FANCA: variants seen among roughly 807,000 people sequenced by gnomAD.
FANCA encodes the protein Fanconi anemia group A protein.
FANCA carries 236 observed loss-of-function variants against 194.3 expected under a neutral mutation model. The observed-to-expected ratio is 1.21, with a 90% CI of 1.09 to 1.35. FANCA has a LOEUF of 1.35. Among genes scored for constraint, FANCA ranks in the 40% most tolerant of loss-of-function variants. The pLI is 0.00. For synonymous variants in FANCA, 1,014 were observed against 715.8 expected, an observed-to-expected ratio of 1.42 and a Z score of -6.65; for missense variants, 2,628 against 1,813.9, an observed-to-expected ratio of 1.45 and a Z score of -8.15.
At position 89,763,678 on chromosome 16, in the gene FANCA, C is replaced by T. The variant is rs146873780; in HGVS notation, c.2778+1212G>A. ...CAGGGGCCGAGCGCAGTGGCTCACA[C>T]CTGTAATCCCAGCACTTTGGGAGGC... On this transcript the variant is annotated intron_variant, in intron 28 of 42. Transcript: ENST00000389301. Among the ~76,000 whole-genome samples, 959 of 152,232 alleles carry T rather than the reference C, an allele frequency of 6.3e-3. 14 individuals carry two copies. The highest frequency in any genetic ancestry group is 0.022 in the African/African-American group (921 of 41,538).
chr16:89,808,317 C>A lies in FANCA; in HGVS notation c.573G>T (p.Val191=). The part of the protein sequence containing the change: ...AVWHLHVQGI[V]SLQELLESHP... Reference sequence around the variant, plus strand: ...ACCTTTCCAGCAGCTCTTGCAGGCTCACAATGCCTTGTACGTGAAGATGCC... The same window carrying A: ...ACCTTTCCAGCAGCTCTTGCAGGCTAACAATGCCTTGTACGTGAAGATGCC... The change falls in exon 6 of 43, where the codon GTG becomes GTT. Residue 191 remains valine, a synonymous_variant. Coordinates refer to ENST00000389301, the MANE Select transcript of FANCA (RefSeq NM_000135.4). The A allele has an allele frequency of 6.2e-7, 1 of 1,614,140 alleles. No homozygotes were observed. Among genetic ancestry groups the A allele is most frequent in the South Asian group, 1.1e-5 (1 of 91,074 alleles).
intron 30 of FANCA, among the ~76,000 whole-genome samples, chr16:89,756,523 G>A (rs1454644588): frequency 6.6e-6 from 1 of 152,174 alleles, no homozygotes. Flanking sequence ...TACTTGAGGG[G>A]CTGAAGCAGG....
In FANCA at chr16:89,738,363, T is replaced by C. The variant is rs2062020490; in HGVS notation, c.*238A>G. On this transcript the variant is annotated 3_prime_UTR_variant, in exon 43 of 43. Coordinates refer to ENST00000389301, the MANE Select transcript of FANCA (RefSeq NM_000135.4). ...GGAGGGTGCTGCCCGCCCTTGGTGC[T>C]GGAGGCGGGCTTGGTGTCCGGCTCA... The C allele has an allele frequency of 1.4e-6, 2 of 1,457,022 alleles. No individual in the cohort carries two copies. The highest frequency in any genetic ancestry group is 9.1e-7 in the Non-Finnish European group (1 of 1,094,140). The allele number at this position is 1,457,022 out of a possible 1,614,324, so 90.3% of individuals were successfully genotyped here. A position where few individuals can be genotyped will look rare whatever the true frequency, so the allele number is the denominator to read the frequency against.
intron 28 of FANCA, among the ~76,000 whole-genome samples, chr16:89,763,606 C>G (rs2039024549): frequency 6.6e-6 from 1 of 152,140 alleles, no homozygotes; most frequent in Admixed American, 6.6e-5. Context: ...CCCAGAGACC[C>G]TGAGTGACCA....
chr16:89,800,543 GA>G (rs2040409754), intron 8 of FANCA, among the ~76,000 whole-genome samples: 2 of 152,066 alleles, frequency 1.3e-5, no homozygotes, highest in South Asian at 4.2e-4. Context: ...CCCAGAAATA[GA>G]AAAAAAGATT....
Position 89,814,511 on chromosome 16 carries a change from A to T in FANCA, c.283+9T>A, listed in dbSNP as rs779593295. 8 of 1,587,060 alleles carry T rather than the reference A, an allele frequency of 5.0e-6. No homozygotes were observed. The highest frequency in any genetic ancestry group is 3.5e-6 in the Non-Finnish European group (4 of 1,155,484). Reference sequence around the variant, plus strand: ...AATTCAAAATAGAGAAAATGAAGCTATAACTTACCTATAAATGAACTAGAA... The same window carrying T: ...AATTCAAAATAGAGAAAATGAAGCTTTAACTTACCTATAAATGAACTAGAA... On this transcript the variant is annotated intron_variant, in intron 3 of 42. Coordinates refer to ENST00000389301, the MANE Select transcript of FANCA (RefSeq NM_000135.4).
chr16:89,767,052 G>A, intron 27 of FANCA, 89 bp downstream of exon 27: 1 of 1,052,288 alleles, frequency 9.5e-7, no homozygotes, highest in South Asian at 1.3e-5. Context: ...TGGGCACAAA[G>A]CGGCAGCAGA....
At chr16:89,753,689 G>C (rs1284018353) in intron 30 of FANCA, among the ~76,000 whole-genome samples, 2 of 152,076 alleles carry the variant, frequency 1.3e-5, no homozygotes, top group African/African-American at 4.8e-5. Flanking sequence ...AAGACTGAAA[G>C]CTGTTCTCCT....
At chr16:89,799,047 AG>A (rs1277680063) in intron 10 of FANCA, 118 bp downstream of exon 10, 2 of 1,614,140 alleles carry the variant, frequency 1.2e-6, no homozygotes, top group African/African-American at 1.3e-5. Flanking sequence ...TAACTGGCAG[AG>A]GAAGTGTGCT....
Position 89,799,605 on chromosome 16 carries a change from A to T in FANCA, c.826T>A (p.Phe276Ile), listed in dbSNP as rs776369214. ...CTGGGCTGCAGTGCAATTAACTTAC[A>T]AATCAGCATTCTCTGCAGTACATCA... ...TVDVLQRMLI[F>I]ALDALAAGVQ... Residue 276 changes from phenylalanine (F) to isoleucine (I), a missense_variant and splice_region_variant, in exon 9 of 43, where the codon TTT becomes ATT. Transcript: ENST00000389301. The T allele has an allele frequency of 7.4e-6, 12 of 1,613,562 alleles. No homozygotes were observed. Among genetic ancestry groups the T allele is most frequent in the Non-Finnish European group, 1.0e-5 (12 of 1,179,452 alleles).
In FANCA at chr16:89,783,163, G is replaced by A. The variant is rs923008694; in HGVS notation, c.1471-61C>T. ...TGGGAACTGCCTGGGACTCCAGGGA[G>A]GCCACAATTCACTTCCAACATCCAC... On this transcript the variant is annotated intron_variant, in intron 15 of 42. Transcript: ENST00000389301. 71 of 1,298,024 alleles carry A rather than the reference G, an allele frequency of 5.5e-5. No homozygotes were observed. In the Middle Eastern group the frequency reaches 8.3e-4, roughly 15 times the overall value. 80.4% of individuals were successfully genotyped at this position (1,298,024 alleles called of 1,614,324 possible). A position where few individuals can be genotyped will look rare whatever the true frequency, so the allele number is the denominator to read the frequency against.
chr16:89,814,773 T>C (rs2041035717), intron 2 of FANCA, among the ~76,000 whole-genome samples, 160 bp from the exon 3 acceptor site: 3 of 150,844 alleles, frequency 2.0e-5, no homozygotes, highest in African/African-American at 7.4e-5. Flanking sequence ...AAACCCTGTC[T>C]CTACTAAAAA....
In FANCA at chr16:89,738,726, G is replaced by C. The variant is rs781731674; in HGVS notation, c.4261-18C>G. On this transcript the variant is annotated intron_variant, in intron 42 of 42. Coordinates refer to ENST00000389301, the MANE Select transcript of FANCA (RefSeq NM_000135.4). ...GCCAGCAGCTGTGAGAGAGGAGCAG[G>C]TCCTCAGCCCATGCCGCCCACTAGG... 1.9e-5 allele frequency: 30 copies of C among 1,613,454 alleles called. No individual in the cohort carries two copies. The highest frequency in any genetic ancestry group is 2.5e-5 in the Non-Finnish European group (29 of 1,179,828).
intron 7 of FANCA, among the ~76,000 whole-genome samples, chr16:89,804,456 A>T (rs1429045012): frequency 6.6e-6 from 1 of 152,126 alleles, no homozygotes; most frequent in Non-Finnish European, 1.5e-5. Context: ...GCCGTCCAGG[A>T]GTGCGCTGAA....
chr16:89,762,523 G>A (rs975934099), intron 28 of FANCA: 2 of 224,090 alleles, frequency 8.9e-6, no homozygotes, highest in Non-Finnish European at 1.8e-5. Flanking sequence ...GAGCCCAGGA[G>A]GTCAAGGCTG....
chr16:89,791,984 G>A lies in FANCA; in HGVS notation c.1168C>T (p.Leu390Phe), dbSNP rs2040091522. The A allele has an allele frequency of 1.2e-6, 2 of 1,614,188 alleles. No individual in the cohort carries two copies. The highest frequency in any genetic ancestry group is 1.7e-6 in the Non-Finnish European group (2 of 1,180,028). The change falls in exon 13 of 43, where the codon CTC becomes TTC. Residue 390 changes from leucine (L) to phenylalanine (F), a missense_variant. Coordinates refer to ENST00000389301, the MANE Select transcript of FANCA (RefSeq NM_000135.4). ...ETQEVHWQRV[L>F]SFVSALVVCF... ...ACAACCAGGGCAGACACAAAGGAGA[G>A]CACTCTCTGCCAGTGAACCTCCTGC...
At chr16:89,792,580 T>C in intron 11 of FANCA, 33 bp from the exon 12 acceptor site, 1 of 1,599,092 alleles carries the variant, frequency 6.3e-7, no homozygotes, top group South Asian at 1.1e-5. Flanking sequence ...AAACTTCAAG[T>C]CAGAGATCAA....
intron 6 of FANCA, among the ~76,000 whole-genome samples, chr16:89,806,670 G>A (rs2040660175): frequency 6.6e-6 from 1 of 152,164 alleles, no homozygotes. Context: ...TTGGGGGCAA[G>A]GTCACAGATC....
At chr16:89,741,036 GAATT>G (rs1202034857) in intron 37 of FANCA, 170 bp from the exon 38 acceptor site, 13 of 659,460 alleles carry the variant, frequency 2.0e-5, no homozygotes, top group South Asian at 7.3e-5. Context: ...GCTTAATTGA[GAATT>G]AATTACTACT....
Sources: allele counts gnomAD v4.1 joint callset (sites outside exome capture counted in the v4.1 genomes callset), GRCh38; gene constraint gnomAD v4.1.1; transcripts MANE v1.5; gene names NCBI Gene and HGNC (gene_info 2026-07-23, HGNC 2026-07-21).